The following KCNH2 variants were observed in gnomAD, a reference collection of about 807,000 sequenced individuals.
The protein encoded by KCNH2 is voltage-gated inwardly rectifying potassium channel KCNH2.
A neutral mutation model predicts 95.9 loss-of-function variants in KCNH2; 35 were observed. The observed-to-expected ratio is 0.37, with a 90% CI of 0.28 to 0.48. The LOEUF is 0.48. KCNH2 is among the 20% of genes least tolerant of loss of function. KCNH2 has a pLI of 0.99. For synonymous variants in KCNH2, 786 were observed against 754.7 expected (o/e 1.04, Z -0.68); for missense variants, 1,274 against 1,702.9 (o/e 0.75, Z 4.43).
intron 8 of KCNH2, 131 bp downstream of exon 8, chr7:150,950,790 G>A: frequency 1.0e-6 from 1 of 964,742 alleles, no homozygotes; most frequent in Non-Finnish European, 1.6e-6. Flanking sequence ...GGCAAAAAGG[G>A]GCAACGTGCC....
At chr7:150,965,390 G>T (rs144988310) in intron 2 of KCNH2, among the ~76,000 whole-genome samples, 3 of 152,248 alleles carry the variant, frequency 2.0e-5, no homozygotes, top group Non-Finnish European at 4.4e-5. Context: ...AAAGCTCTGG[G>T]GCCCGGCTCT....
intron 4 of KCNH2, among the ~76,000 whole-genome samples, chr7:150,957,724 C>T (rs1161652067): frequency 6.6e-6 from 1 of 152,180 alleles, no homozygotes; most frequent in Admixed American, 6.5e-5. Context: ...GAAGAGGAAA[C>T]GGTCTGCTCC....
chr7:150,949,297 A>G, intron 9 of KCNH2: 1 of 1,388,758 alleles, frequency 7.2e-7, no homozygotes, highest in Non-Finnish European at 9.4e-7. Context: ...CCCAGCCAGC[A>G]GGACTACCCC....
Position 150,951,541 on chromosome 7 carries a change from T to G in KCNH2, c.1852A>C (p.Thr618Pro), listed in dbSNP as rs1584853687. 6.2e-7 allele frequency: 1 copy of G among 1,613,974 alleles called. No individual in the cohort carries two copies. Among genetic ancestry groups the G allele is most frequent in the Non-Finnish European group, 8.5e-7 (1 of 1,179,984 alleles). Residue 618 changes from threonine to proline, a missense_variant, in exon 7 of 15, where the codon ACC becomes CCC. By Grantham distance (38) the Thr-to-Pro change is conservative. Around this residue, in one of 7 missense-constraint regions of KCNH2, gnomAD observed 147 missense variants for 344.4 expected, o/e 0.43. Transcript: ENST00000262186. The stretch of plus-strand genomic sequence containing the variant: ...CCCACACTGGTGAGGCTGCTGAAGG[T>G]GAAGTAGAGCGCCGTCACATACTTG... ...KDKYVTALYF[T>P]FSSLTSVGFG...
rs765525458 is a variant in KCNH2, at chr7:150,947,520, G to C, written c.2966-6C>G. ...GGACACTCCTGAGAAGGCGCCTGCAGCCAGAGAGCAGAGCTGGGTGAGCGG... is the reference window on the plus strand; with the variant it reads ...GGACACTCCTGAGAAGGCGCCTGCACCCAGAGAGCAGAGCTGGGTGAGCGG... On this transcript the variant is annotated splice_region_variant and splice_polypyrimidine_tract_variant and intron_variant, in intron 12 of 14. Coordinates refer to ENST00000262186, the MANE Select transcript of KCNH2 (RefSeq NM_000238.4). The C allele has an allele frequency of 6.3e-7, 1 of 1,596,704 alleles. No individual in the cohort carries two copies. Among genetic ancestry groups the C allele is most frequent in the Non-Finnish European group, 8.5e-7 (1 of 1,172,374 alleles).
intron 5 of KCNH2, chr7:150,956,023 C>T (rs971043070): frequency 1.1e-5 from 2 of 188,598 alleles, no homozygotes; most frequent in Non-Finnish European, 2.0e-5. Flanking sequence ...CACCCCCGCC[C>T]AGCCGGTCCA....
At chr7:150,949,727 C>A in intron 9 of KCNH2, 2 of 1,185,348 alleles carry the variant, frequency 1.7e-6, no homozygotes, top group South Asian at 1.6e-5. Flanking sequence ...TGTGCACAGG[C>A]AGGGTAGAAA....
At chr7:150,972,215 C>G (rs757711095) in intron 2 of KCNH2, among the ~76,000 whole-genome samples, 2 of 152,264 alleles carry the variant, frequency 1.3e-5, no homozygotes, top group Non-Finnish European at 2.9e-5. Context: ...CAACACAGCA[C>G]AGCTGTCCAC....
In KCNH2 at chr7:150,976,243, G is replaced by C. The variant is rs41309005; in HGVS notation, c.77-1302C>G. On this transcript the variant is annotated intron_variant, in intron 1 of 14. Coordinates refer to ENST00000262186, the MANE Select transcript of KCNH2 (RefSeq NM_000238.4). The stretch of plus-strand genomic sequence containing the variant: ...ACGTGCAAAGCTGGGCTGCAGCAGG[G>C]CACCCTGAGATAGGCCCAGGCCATC... 6.7e-3 allele frequency among the ~76,000 whole-genome samples: 1,014 copies of C among 152,256 alleles called. 14 individuals carry two copies. Among genetic ancestry groups the C allele is most frequent in the African/African-American group, 0.023 (961 of 41,546 alleles).
At chr7:150,965,481 G>T (rs961442095) in intron 2 of KCNH2, among the ~76,000 whole-genome samples, 1 of 152,128 alleles carries the variant, frequency 6.6e-6, no homozygotes, top group Non-Finnish European at 1.5e-5. Context: ...ACAAGGGCAC[G>T]CTGATGCCAG....
At chr7:150,966,439 C>G (rs1027526903) in intron 2 of KCNH2, among the ~76,000 whole-genome samples, 1 of 119,968 alleles carries the variant, frequency 8.3e-6, no homozygotes, top group Non-Finnish European at 1.6e-5. Flanking sequence ...CAAACAAATA[C>G]GAGTGCTAAT....
intron 9 of KCNH2, chr7:150,949,940 T>C: frequency 6.5e-7 from 1 of 1,532,142 alleles, no homozygotes; most frequent in East Asian, 2.5e-5. Flanking sequence ...TGGCGGATCC[T>C]GAAGGGAAGG....
chr7:150,945,313 C>T lies in KCNH2; in HGVS notation c.*52G>A. On this transcript the variant is annotated 3_prime_UTR_variant, in exon 15 of 15. Coordinates refer to ENST00000262186, the MANE Select transcript of KCNH2 (RefSeq NM_000238.4). The surrounding 1 kb of genome is among the most constrained non-coding windows in gnomAD (Gnocchi z 5.6). ...AGCAGGGCCTCCAAGGGGAGCGGCC[C>T]AGCAGCGCCTTGATCCCTGGGTGAG... 6.5e-7 allele frequency: 1 copy of T among 1,550,328 alleles called. No homozygotes were observed. The highest frequency in any genetic ancestry group is 8.7e-7 in the Non-Finnish European group (1 of 1,145,562).
In KCNH2 at chr7:150,947,613, G is replaced by A. The variant is rs2116931525; in HGVS notation, c.2958C>T (p.Pro986=). Residue 986 remains proline (P), a synonymous_variant, in exon 12 of 15, where the codon CCC becomes CCT. Transcript: ENST00000262186. ...DCEKSSDTCN[P]LSGAFSGVSN... is the part of the protein sequence containing the mutation. ...GCCCGTCGCCCGGGATACCTGACAG[G>A]GGGTTGCAAGTGTCGCTGCTCTTCT... The A allele has an allele frequency of 6.2e-7, 1 of 1,612,784 alleles. No homozygotes were observed. Among genetic ancestry groups the A allele is most frequent in the Non-Finnish European group, 8.5e-7 (1 of 1,179,572 alleles).
In KCNH2 at chr7:150,947,785, T is replaced by C; in HGVS notation, c.2786A>G (p.Glu929Gly). ...GCTGGAGGGGCCACTGGACGGGCTC[T>C]CCCCCCACGGCCCCCCCGGCCGGCC... Reference protein sequence around the residue: ...SRGRPGGPWGESPSSGPSSPE... With the variant: ...SRGRPGGPWGGSPSSGPSSPE... The change falls in exon 12 of 15, where the codon GAG becomes GGG. Residue 929 changes from glutamate (E) to glycine (G), a missense_variant. Glu to Gly is a moderately conservative substitution (Grantham distance 98, BLOSUM62 -2). Coordinates refer to ENST00000262186, the MANE Select transcript of KCNH2 (RefSeq NM_000238.4). The C allele has an allele frequency of 6.5e-7, 1 of 1,533,966 alleles. No homozygotes were observed.
chr7:150,952,798 A>G lies in KCNH2; in HGVS notation c.1184T>C (p.Ile395Thr). The change falls in exon 6 of 15, where the codon ATC becomes ACC. Residue 395 changes from isoleucine (I) to threonine (T), a missense_variant. Ile to Thr is a moderately conservative substitution (Grantham distance 89). Transcript: ENST00000262186. This position sits in a 1 kb window ranked among gnomAD's most constrained non-coding sequence, Gnocchi z 7.3. The part of the protein sequence containing the change: ...LPEYKLQAPR[I>T]HRWTILHYSP... The stretch of plus-strand genomic sequence containing the variant: ...GTAATGCAGGATGGTCCAGCGGTGG[A>G]TGCGCGGTGCCTGCAGCTTGTACTC... The G allele has an allele frequency of 1.2e-6, 2 of 1,614,050 alleles. No homozygotes were observed. The highest frequency in any genetic ancestry group is 1.7e-6 in the Non-Finnish European group (2 of 1,180,002).
At chr7:150,968,606 C>T (rs759171559) in intron 2 of KCNH2, among the ~76,000 whole-genome samples, 3 of 152,026 alleles carry the variant, frequency 2.0e-5, no homozygotes, top group African/African-American at 4.8e-5. Context: ...TACATTTGAA[C>T]GGTTGCCTAT....
At position 150,961,431 on chromosome 7, in the gene KCNH2, G is replaced by A. The variant is rs758424930; in HGVS notation, c.308-1695C>T. On this transcript the variant is annotated intron_variant, in intron 2 of 14. Transcript: ENST00000262186. The surrounding 1 kb of genome is among the most constrained non-coding windows in gnomAD (Gnocchi z 6.2). The stretch of plus-strand genomic sequence containing the variant: ...TCCTGCCTCAGCCTCCCAAGTAGCT[G>A]GGACTACAGCTGCATGCTACCACAC... Among the ~76,000 whole-genome samples the A allele has an allele frequency of 2.0e-5, 3 of 151,982 alleles. No homozygotes were observed. The highest frequency in any genetic ancestry group is 4.4e-5 in the Non-Finnish European group (3 of 68,006).
rs36210422 is a variant in KCNH2 at position 150,958,449 on chromosome 7, G to A, written c.526C>T (p.Arg176Trp). The A allele has an allele frequency of 3.3e-4, 479 of 1,466,372 alleles. 1 individual carries two copies. Among genetic ancestry groups the A allele is most frequent in the Non-Finnish European group, 3.8e-4 (427 of 1,115,574 alleles). 90.8% of individuals were successfully genotyped at this position (1,466,372 alleles called of 1,614,324 possible). A position where few individuals can be genotyped will look rare whatever the true frequency, so the allele number is the denominator to read the frequency against. The part of the protein sequence containing the change: ...KLPALLALTA[R>W]ESSVRSGGAG... ...CCGCCCGACCGCACCGACGACTCCCGGGCCGTCAGCGCCAGCAGCGCGGGC... is the reference window on the plus strand; with the variant it reads ...CCGCCCGACCGCACCGACGACTCCCAGGCCGTCAGCGCCAGCAGCGCGGGC... The change falls in exon 4 of 15, where the codon CGG becomes TGG. Residue 176 changes from arginine to tryptophan, a missense_variant. Transcript: ENST00000262186.
Sources: gnomAD v4.1 joint callset for allele counts (sites outside exome capture counted in the v4.1 genomes callset) on GRCh38, gnomAD v4.1.1 for gene constraint, gnomAD v4.1.1 regional missense constraint, Gnocchi (gnomAD v3.1) non-coding constraint, MANE v1.5 for transcripts, NCBI Gene and HGNC (gene_info 2026-07-23, HGNC 2026-07-21) for gene names.